The following CLSTN2 variants were observed in gnomAD, a reference collection of about 807,000 sequenced individuals.
CLSTN2 encodes calsyntenin-2.
In CLSTN2, 48 loss-of-function variants were observed where a neutral mutation model predicts 101.2. That is an observed-to-expected ratio of 0.47 (90% CI 0.38 to 0.60). The LOEUF is 0.60. Among genes scored for constraint, CLSTN2 ranks in the 20% least tolerant of loss-of-function variants. The pLI is 0.00. For missense variants in CLSTN2, 1,160 were observed against 1,238.2 expected (o/e 0.94, Z 0.95); for synonymous variants, 481 against 463.6 (o/e 1.04, Z -0.48).
intron 1 of CLSTN2, among the ~76,000 whole-genome samples, chr3:140,117,240 T>C (rs1216518198): frequency 6.6e-6 from 1 of 152,214 alleles, no homozygotes; most frequent in African/African-American, 2.4e-5. Context: ...CTCTGCAGCC[T>C]CTGACCTTCT....
intron 2 of CLSTN2, among the ~76,000 whole-genome samples, chr3:140,212,023 T>C (rs2010862269): frequency 6.6e-6 from 1 of 152,202 alleles, no homozygotes; most frequent in South Asian, 2.1e-4. Context: ...GATGAAGGAA[T>C]GGATGAACAG....
chr3:139,941,120 C>A (rs79508117), intron 1 of CLSTN2, among the ~76,000 whole-genome samples: 1 of 152,052 alleles, frequency 6.6e-6, no homozygotes, highest in Non-Finnish European at 1.5e-5. Context: ...AGCTTGAAAT[C>A]GATGATTGTT....
In CLSTN2 at chr3:140,488,285, G is replaced by A. The variant is rs538272070; in HGVS notation, c.1344+21554G>A. ...TTCAGGGACAAATGTTCATTATGGA[G>A]CAGTCAAAGGAATGTAGGCTTTGGA... On this transcript the variant is annotated intron_variant, in intron 8 of 16. Coordinates refer to ENST00000458420, the MANE Select transcript of CLSTN2 (RefSeq NM_022131.3). 2.6e-5 allele frequency among the ~76,000 whole-genome samples: 4 copies of A among 152,290 alleles called. No homozygotes were observed. In the South Asian group the frequency reaches 8.3e-4, roughly 32 times the overall value.
At chr3:140,115,544 A>C in intron 1 of CLSTN2, among the ~76,000 whole-genome samples, 1 of 152,174 alleles carries the variant, frequency 6.6e-6, no homozygotes, top group East Asian at 1.9e-4. Context: ...TTCTCTGTAA[A>C]GGGCAGGGAG....
At chr3:140,001,376 C>T (rs940441061) in intron 1 of CLSTN2, among the ~76,000 whole-genome samples, 2 of 152,000 alleles carry the variant, frequency 1.3e-5, no homozygotes, top group African/African-American at 4.8e-5. Flanking sequence ...TAATACAGCA[C>T]ATATTTGAGT....
At chr3:140,221,249 G>A (rs2086269893) in intron 2 of CLSTN2, among the ~76,000 whole-genome samples, 1 of 152,076 alleles carries the variant, frequency 6.6e-6, no homozygotes, top group African/African-American at 2.4e-5. Flanking sequence ...GTTTTTCTAA[G>A]TTTAATGCCA....
At chr3:140,052,112 A>G (rs1370815398) in intron 1 of CLSTN2, among the ~76,000 whole-genome samples, 1 of 152,154 alleles carries the variant, frequency 6.6e-6, no homozygotes. Flanking sequence ...TGGCTGGCTG[A>G]GTCTGTGCAG....
intron 1 of CLSTN2, among the ~76,000 whole-genome samples, chr3:140,073,950 G>A (rs760613631): frequency 2.6e-5 from 4 of 152,052 alleles, no homozygotes; most frequent in Non-Finnish European, 4.4e-5. Context: ...AAGCAGACTC[G>A]GCTCTCTGGT....
intron 8 of CLSTN2, among the ~76,000 whole-genome samples, chr3:140,477,232 A>G (rs1217400650): frequency 6.6e-6 from 1 of 152,238 alleles, no homozygotes; most frequent in African/African-American, 2.4e-5. Flanking sequence ...TCATTAGTTT[A>G]GCTAAAGGAA....
intron 1 of CLSTN2, among the ~76,000 whole-genome samples, chr3:139,968,840 T>C (rs979318640): frequency 6.6e-6 from 1 of 152,238 alleles, no homozygotes; most frequent in African/African-American, 2.4e-5. Flanking sequence ...GACATTTTAA[T>C]TCAAATTCAT....
At chr3:140,063,409 A>G (rs1475772851) in intron 1 of CLSTN2, among the ~76,000 whole-genome samples, 2 of 152,250 alleles carry the variant, frequency 1.3e-5, no homozygotes, top group East Asian at 1.9e-4. Context: ...CCAAAATGAT[A>G]AAAGGGGAGA....
chr3:140,288,136 G>GT (rs1559829603), intron 2 of CLSTN2, among the ~76,000 whole-genome samples: 2 of 149,916 alleles, frequency 1.3e-5, no homozygotes, highest in African/African-American at 4.9e-5. Flanking sequence ...CCGGCGGGGG[G>GT]GGTCAGAAAT....
rs145898667 is a variant in CLSTN2, at chr3:140,558,324, A to G, written c.1824-316A>G. Among the ~76,000 whole-genome samples, 145 of 152,390 alleles carry G rather than the reference A, an allele frequency of 9.5e-4. 2 individuals are homozygous for G. In the Middle Eastern group the frequency reaches 0.027, roughly 29 times the overall value. On this transcript the variant is annotated intron_variant, in intron 11 of 16. Coordinates refer to ENST00000458420, the MANE Select transcript of CLSTN2 (RefSeq NM_022131.3). The stretch of plus-strand genomic sequence containing the variant: ...ATTTGCTTACCAAATACTAAAGCAC[A>G]TAACAAGCAGTTGCTATCTAATTAA...
At chr3:140,124,439 C>G (rs2009397327) in intron 1 of CLSTN2, among the ~76,000 whole-genome samples, 1 of 152,100 alleles carries the variant, frequency 6.6e-6, no homozygotes, top group Non-Finnish European at 1.5e-5. Flanking sequence ...GGGATGATGC[C>G]AGCTTGCTCC....
chr3:139,935,477 G>A lies in CLSTN2; in HGVS notation c.103G>A (p.Ala35Thr). ...GDSRQRRLLA[A>T]KVNKHKPWIE... ...CAGCCGGCAGCGCCGCCTCCTCGCG[G>A]CTAAAGGTGGGTGCTGGGGAAGTTT... The change falls in exon 1 of 17, where the codon GCT (alanine) becomes ACT (threonine). Residue 35 changes from alanine (A) to threonine (T), a missense_variant. By Grantham distance (58) the Ala-to-Thr change is moderately conservative. Coordinates refer to ENST00000458420, the MANE Select transcript of CLSTN2 (RefSeq NM_022131.3). The surrounding 1 kb of genome is among the most constrained non-coding windows in gnomAD (Gnocchi z 5.5). 1 of 1,228,458 alleles carries A rather than the reference G, an allele frequency of 8.1e-7. No individual in the cohort carries two copies. The highest frequency in any genetic ancestry group is 1.0e-6 in the Non-Finnish European group (1 of 984,018). The allele number at this position is 1,228,458 out of a possible 1,614,324, so 76.1% of individuals were successfully genotyped here. A position where few individuals can be genotyped will look rare whatever the true frequency, so the allele number is the denominator to read the frequency against.
At chr3:140,017,607 T>C (rs1429577516) in intron 1 of CLSTN2, among the ~76,000 whole-genome samples, 2 of 152,172 alleles carry the variant, frequency 1.3e-5, no homozygotes, top group African/African-American at 4.8e-5. Flanking sequence ...GGAACACAAC[T>C]AGGCTCAAGG....
intron 2 of CLSTN2, among the ~76,000 whole-genome samples, chr3:140,233,168 T>C (rs553481284): frequency 3.9e-5 from 6 of 152,170 alleles, no homozygotes; most frequent in Admixed American, 1.3e-4. Context: ...CCACTTTTCC[T>C]TCTCAGACTC....
intron 9 of CLSTN2, among the ~76,000 whole-genome samples, chr3:140,538,842 A>T (rs1935411429): frequency 6.6e-6 from 1 of 152,186 alleles, no homozygotes; most frequent in South Asian, 2.1e-4. Context: ...CAAAAAGGCC[A>T]AGGTCAAGTC....
chr3:140,427,244 TAC>T (rs1553742795), intron 5 of CLSTN2, among the ~76,000 whole-genome samples: 4 of 127,522 alleles, frequency 3.1e-5, no homozygotes, highest in African/African-American at 6.9e-5. Context: ...TATATATATA[TAC>T]ATATATATAT....
Sources: allele counts gnomAD v4.1 joint callset (sites outside exome capture counted in the v4.1 genomes callset), GRCh38; gene constraint gnomAD v4.1.1; non-coding constraint Gnocchi (gnomAD v3.1); transcripts MANE v1.5; gene names NCBI Gene and HGNC (gene_info 2026-07-23, HGNC 2026-07-21).